LZTS1: variants seen among roughly 807,000 people sequenced by gnomAD.
The protein encoded by LZTS1 is leucine zipper putative tumor suppressor 1.
LZTS1 carries 31 observed loss-of-function variants against 45.8 expected under a neutral mutation model. The ratio of observed to expected loss-of-function variants is 0.68; its 90% CI spans 0.51 to 0.91. The LOEUF is 0.91. Ranked by LOEUF, LZTS1 falls within the 40% of genes least tolerant of loss-of-function variation. The probability of loss-of-function intolerance (pLI) is 0.00; values close to 1 mark genes in which losing one functional copy is unlikely to be tolerated. For missense variants in LZTS1, 821 were observed against 788.9 expected, an observed-to-expected ratio of 1.04 and a Z score of -0.49; for synonymous variants, 359 against 357.3, an observed-to-expected ratio of 1.00 and a Z score of -0.05.
chr8:20,283,229 C>G (rs542449507), intron 1 of LZTS1, among the ~76,000 whole-genome samples: 1 of 152,130 alleles, frequency 6.6e-6, no homozygotes, highest in African/African-American at 2.4e-5. Context: ...ATGCATATGT[C>G]GAAACTTAGT....
chr8:20,268,935 C>G (rs1053838176), intron 1 of LZTS1, among the ~76,000 whole-genome samples: 2 of 152,242 alleles, frequency 1.3e-5, no homozygotes, highest in Admixed American at 1.3e-4. Flanking sequence ...GAATCAAAAG[C>G]CACTCTGCCG....
At chr8:20,251,388 A>G (rs1158910526) in intron 3 of LZTS1, among the ~76,000 whole-genome samples, 1 of 151,932 alleles carries the variant, frequency 6.6e-6, no homozygotes, top group East Asian at 1.9e-4. Context: ...GATTTTCTCC[A>G]GGACTGTGCA....
intron 1 of LZTS1, among the ~76,000 whole-genome samples, chr8:20,280,918 T>G (rs1800678811): frequency 6.6e-6 from 1 of 152,102 alleles, no homozygotes; most frequent in African/African-American, 2.4e-5. Flanking sequence ...TAGGCTGAAT[T>G]CTTCTCTAAC....
At position 20,249,884 on chromosome 8, in the gene LZTS1, C is replaced by T. The variant is rs775241953; in HGVS notation, c.1629G>A (p.Gln543=). Residue 543 remains glutamine, a synonymous_variant, in exon 4 of 4, where the codon CAG becomes CAA. Transcript: ENST00000381569. Reference sequence around the variant, plus strand: ...CCACGTAGCTCTGCTGCAGCTGTTTCTGGTACTGAATCACCTTCTCCTTCT... The same window carrying T: ...CCACGTAGCTCTGCTGCAGCTGTTTTTGGTACTGAATCACCTTCTCCTTCT... The part of the protein sequence containing the change: ...KEEKEKVIQY[Q]KQLQQSYVAM... 6.2e-7 allele frequency: 1 copy of T among 1,614,256 alleles called. No individual in the cohort carries two copies. Among genetic ancestry groups the T allele is most frequent in the Non-Finnish European group, 8.5e-7 (1 of 1,180,042 alleles).
At chr8:20,292,998 G>A (rs1800924152) in intron 1 of LZTS1, among the ~76,000 whole-genome samples, 2 of 152,148 alleles carry the variant, frequency 1.3e-5, no homozygotes, top group African/African-American at 4.8e-5. Flanking sequence ...CCTGGACCCA[G>A]CATCTTGACC....
intron 2 of LZTS1, among the ~76,000 whole-genome samples, chr8:20,254,612 C>T (rs946406241): frequency 6.6e-6 from 1 of 152,186 alleles, no homozygotes; most frequent in Admixed American, 6.5e-5. Flanking sequence ...ATGGCCTGAC[C>T]CAAGACTTCT....
At position 20,303,745 on chromosome 8, in the gene LZTS1, C is replaced by A. The variant is rs1233250781; in HGVS notation, c.-140G>T. 1.0e-6 allele frequency: 1 copy of A among 985,474 alleles called. No homozygotes were observed. Among genetic ancestry groups the A allele is most frequent in the South Asian group, 4.7e-5 (1 of 21,288 alleles). 61.0% of individuals were successfully genotyped at this position (985,474 alleles called of 1,614,324 possible). ...CCCCGGCCACCGCACCTTACCTGCC[C>A]CCTGCGCCTCGGGCGCACTTGAGAC... On this transcript the variant is annotated 5_prime_UTR_variant, in exon 1 of 4. Coordinates refer to ENST00000381569, the MANE Select transcript of LZTS1 (RefSeq NM_021020.5).
At chr8:20,301,778 C>G (rs980418420) in intron 1 of LZTS1, among the ~76,000 whole-genome samples, 1 of 152,188 alleles carries the variant, frequency 6.6e-6, no homozygotes, top group African/African-American at 2.4e-5. Context: ...TATGACAGCA[C>G]CCCTGCCCCA....
At position 20,281,672 on chromosome 8, in the gene LZTS1, CCTCT is replaced by C. The variant is rs924724421; in HGVS notation, c.-135+22064_-135+22067del. On this transcript the variant is annotated intron_variant, in intron 1 of 3. Coordinates refer to ENST00000381569, the MANE Select transcript of LZTS1 (RefSeq NM_021020.5). The stretch of plus-strand genomic sequence containing the variant: ...GGTCATTGAAAAGAGGCTGGCATCT[CCTCT>C]CTCTCTCTTGTTCCCTCTATTACCA... 1.7e-3 allele frequency among the ~76,000 whole-genome samples: 261 copies of C among 151,996 alleles called. 1 individual carries two copies. The highest frequency in any genetic ancestry group is 6.1e-3 in the African/African-American group (255 of 41,488).
intron 1 of LZTS1, among the ~76,000 whole-genome samples, chr8:20,269,794 C>T (rs1291943980): frequency 6.6e-6 from 1 of 152,196 alleles, no homozygotes; most frequent in Non-Finnish European, 1.5e-5. Context: ...TGTACCTCCC[C>T]TCTCTCCAAA....
intron 1 of LZTS1, among the ~76,000 whole-genome samples, chr8:20,286,277 T>A (rs1800790409): frequency 6.6e-6 from 1 of 152,032 alleles, no homozygotes; most frequent in African/African-American, 2.4e-5. Context: ...AGAAAACAAT[T>A]CTCGTAAATC....
At position 20,272,964 on chromosome 8, in the gene LZTS1, G is replaced by A. The variant is rs538366939; in HGVS notation, c.-134-17649C>T. Among the ~76,000 whole-genome samples the A allele has an allele frequency of 7.2e-5, 11 of 152,042 alleles. No homozygotes were observed. The East Asian group carries it at 2.1e-3, about 29-fold the overall frequency. On this transcript the variant is annotated intron_variant, in intron 1 of 3. Coordinates refer to ENST00000381569, the MANE Select transcript of LZTS1 (RefSeq NM_021020.5). Reference sequence around the variant, plus strand: ...CAGGGACCACTGTCTTTTTTCTCCCGTTCACAGCCAAGCTTCTCGAGAGAG... The same window carrying A: ...CAGGGACCACTGTCTTTTTTCTCCCATTCACAGCCAAGCTTCTCGAGAGAG...
At chr8:20,287,937 C>T (rs1487004368) in intron 1 of LZTS1, among the ~76,000 whole-genome samples, 2 of 148,706 alleles carry the variant, frequency 1.3e-5, no homozygotes, top group South Asian at 4.3e-4. Flanking sequence ...CTGGCTTCTT[C>T]CCCTTCCCTA....
intron 2 of LZTS1, among the ~76,000 whole-genome samples, chr8:20,254,419 C>T (rs559548713): frequency 2.6e-5 from 4 of 152,302 alleles, no homozygotes; most frequent in South Asian, 2.1e-4. Flanking sequence ...CCCACCCCCA[C>T]GAGTCTCCCG....
chr8:20,258,620 A>G (rs1217285268), intron 1 of LZTS1, among the ~76,000 whole-genome samples: 1 of 152,240 alleles, frequency 6.6e-6, no homozygotes, highest in Non-Finnish European at 1.5e-5. Context: ...TCGAGGAAAT[A>G]CAGTGAAGCA....
In LZTS1 at chr8:20,303,734, C is replaced by G; in HGVS notation, c.-135+6G>C. The G allele has an allele frequency of 1.0e-6, 1 of 985,446 alleles. No homozygotes were observed. Among genetic ancestry groups the G allele is most frequent in the Non-Finnish European group, 1.2e-6 (1 of 830,042 alleles). The allele number at this position is 985,446 out of a possible 1,614,324, so 61.0% of individuals were successfully genotyped here. ...GGCGAGGAGATCCCCGGCCACCGCA[C>G]CTTACCTGCCCCCTGCGCCTCGGGC... On this transcript the variant is annotated splice_donor_region_variant and intron_variant, in intron 1 of 3. Transcript: ENST00000381569.
chr8:20,246,835 G>A lies in LZTS1; in HGVS notation c.*2887C>T, dbSNP rs1467475489. The stretch of plus-strand genomic sequence containing the variant: ...GGACAGAGCAGGTTGGTCCATCCGA[G>A]TGGGTCAGTGGGTCGGCCAGCAGGC... On this transcript the variant is annotated 3_prime_UTR_variant, in exon 4 of 4. Coordinates refer to ENST00000381569, the MANE Select transcript of LZTS1 (RefSeq NM_021020.5). 6.6e-6 allele frequency: 1 copy of A among 152,402 alleles called. No homozygotes were observed. The highest frequency in any genetic ancestry group is 6.5e-5 in the Admixed American group (1 of 15,284). The allele number at this position is 152,402 out of a possible 1,614,324, so 9.4% of individuals were successfully genotyped here. A position where few individuals can be genotyped will look rare whatever the true frequency, so the allele number is the denominator to read the frequency against.
At chr8:20,303,447 C>T (rs143568608) in intron 1 of LZTS1, among the ~76,000 whole-genome samples, 59 of 152,312 alleles carry the variant, frequency 3.9e-4, no homozygotes, top group Non-Finnish European at 7.2e-4. Context: ...AGCATCGGTG[C>T]TGGGAATAGA....
chr8:20,290,361 G>A (rs1416861490), intron 1 of LZTS1: 1 of 152,194 alleles, frequency 6.6e-6, no homozygotes, highest in East Asian at 1.9e-4. Context: ...ACCATTAACA[G>A]GGAAAAGTTT....
Sources: gnomAD v4.1 joint callset for allele counts (sites outside exome capture counted in the v4.1 genomes callset) on GRCh38, gnomAD v4.1.1 for gene constraint, MANE v1.5 for transcripts, NCBI Gene and HGNC (gene_info 2026-07-23, HGNC 2026-07-21) for gene names.